The following ATP6V1H variants were observed in gnomAD, a reference collection of about 807,000 sequenced individuals.
ATP6V1H encodes the protein ATPase H+ transporting V1 subunit H.
Under a neutral mutation model 71.7 loss-of-function variants are expected in ATP6V1H, and 39 were observed. That is an observed-to-expected ratio of 0.54 (90% CI 0.42 to 0.71). The LOEUF (loss-of-function observed/expected upper bound fraction) is 0.71. Among genes scored for constraint, ATP6V1H ranks in the 30% least tolerant of loss-of-function variants. ATP6V1H has a pLI of 0.00. For missense variants in ATP6V1H, 509 were observed against 594.9 expected (o/e 0.86, Z 1.50); for synonymous variants, 192 against 199.3 (o/e 0.96, Z 0.31).
intron 13 of ATP6V1H, among the ~76,000 whole-genome samples, chr8:53,735,319 C>T (rs963819448): frequency 2.2e-4 from 33 of 152,136 alleles, no homozygotes; most frequent in Non-Finnish European, 3.1e-4. Flanking sequence ...ACCACCCTTA[C>T]GAATCGCCTC....
chr8:53,801,725 T>C, intron 8 of ATP6V1H, 74 bp downstream of exon 8: 1 of 1,184,432 alleles, frequency 8.4e-7, no homozygotes, highest in Non-Finnish European at 1.2e-6. Context: ...TTTAGATGAT[T>C]ACATATTTCT....
intron 2 of ATP6V1H, among the ~76,000 whole-genome samples, chr8:53,838,811 T>C (rs1176409788): frequency 6.6e-6 from 1 of 152,204 alleles, no homozygotes; most frequent in South Asian, 2.1e-4. Context: ...CAAAAGCATA[T>C]TGGGCTCTCG....
chr8:53,716,132 A>G, intron 13 of ATP6V1H, 108 bp from the exon 14 acceptor site: 1 of 796,936 alleles, frequency 1.3e-6, no homozygotes, highest in Middle Eastern at 2.8e-4. Context: ...TTAACATCCA[A>G]AAATAACTAA....
At chr8:53,820,855 G>T (rs1265523585) in intron 4 of ATP6V1H, among the ~76,000 whole-genome samples, 1 of 151,466 alleles carries the variant, frequency 6.6e-6, no homozygotes, top group East Asian at 1.9e-4. Flanking sequence ...GGTAGCACAC[G>T]CTTGTAATCC....
chr8:53,795,603 T>A, intron 9 of ATP6V1H, 44 bp downstream of exon 9: 1 of 1,574,622 alleles, frequency 6.4e-7, no homozygotes, highest in Non-Finnish European at 8.6e-7. Context: ...TACTGCACAG[T>A]GAAAAATGCC....
chr8:53,739,659 G>A (rs570402186), intron 13 of ATP6V1H: 3 of 152,312 alleles, frequency 2.0e-5, no homozygotes, highest in African/African-American at 7.2e-5. Context: ...GGAGAAAAAC[G>A]ATGACATCTT....
At chr8:53,737,124 C>T (rs1807240510) in intron 13 of ATP6V1H, among the ~76,000 whole-genome samples, 1 of 152,232 alleles carries the variant, frequency 6.6e-6, no homozygotes, top group Non-Finnish European at 1.5e-5. Context: ...TCTCAGGGAG[C>T]TTGGTTTTCG....
At chr8:53,826,513 T>C (rs1414731350) in intron 4 of ATP6V1H, among the ~76,000 whole-genome samples, 1 of 152,092 alleles carries the variant, frequency 6.6e-6, no homozygotes, top group African/African-American at 2.4e-5. Context: ...CACGTAATGA[T>C]TTCTGGCATA....
chr8:53,779,855 A>G (rs956376151), intron 9 of ATP6V1H, among the ~76,000 whole-genome samples: 1 of 152,108 alleles, frequency 6.6e-6, no homozygotes, highest in Admixed American at 6.5e-5. Context: ...AGAGAATTAA[A>G]CTCCATCTTT....
intron 12 of ATP6V1H, among the ~76,000 whole-genome samples, chr8:53,744,269 T>C (rs1419902221): frequency 4.0e-5 from 6 of 149,168 alleles, no homozygotes; most frequent in Admixed American, 3.3e-4. Context: ...AAGGAGAACA[T>C]TCATATCTTC....
At chr8:53,833,328 G>C (rs1175483178) in intron 2 of ATP6V1H, 3 of 442,398 alleles carry the variant, frequency 6.8e-6, no homozygotes, top group Admixed American at 3.9e-5. Context: ...TTGCCTCTAA[G>C]GGGCTGTACT....
intron 2 of ATP6V1H, chr8:53,839,957 G>A (rs1811289463): frequency 1.0e-5 from 10 of 977,000 alleles, no homozygotes; most frequent in Non-Finnish European, 1.2e-5. Context: ...TCAGCTCTCT[G>A]CATTGCCTGC....
intron 12 of ATP6V1H, among the ~76,000 whole-genome samples, chr8:53,747,326 C>A (rs1466435824): frequency 2.0e-5 from 3 of 152,052 alleles, no homozygotes; most frequent in Non-Finnish European, 2.9e-5. Flanking sequence ...TAGCAATATA[C>A]CCTCTAGAGT....
chr8:53,715,915 T>G lies in ATP6V1H; in HGVS notation c.*49A>C. ...TCACTCTTAACTCTAAACACAGTGC[T>G]CCCACTACTGGTTCTGCATTGAGGC... On this transcript the variant is annotated 3_prime_UTR_variant, in exon 14 of 14. Transcript: ENST00000359530. 1 of 1,541,508 alleles carries G rather than the reference T, an allele frequency of 6.5e-7. No homozygotes were observed. Among genetic ancestry groups the G allele is most frequent in the East Asian group, 2.3e-5 (1 of 44,052 alleles).
chr8:53,738,903 A>G (rs1279490140), intron 13 of ATP6V1H, among the ~76,000 whole-genome samples: 1 of 152,234 alleles, frequency 6.6e-6, no homozygotes, highest in Non-Finnish European at 1.5e-5. Context: ...TAACAGCTGT[A>G]AAAAATTCCT....
chr8:53,721,839 A>G (rs958011188), intron 13 of ATP6V1H, among the ~76,000 whole-genome samples: 6 of 152,214 alleles, frequency 3.9e-5, no homozygotes, highest in African/African-American at 1.4e-4. Flanking sequence ...TAGACACTTC[A>G]CCTTCTAACA....
chr8:53,771,918 T>C (rs1808672417), intron 10 of ATP6V1H, 71 bp downstream of exon 10: 1 of 1,404,772 alleles, frequency 7.1e-7, no homozygotes, highest in African/African-American at 1.4e-5. Context: ...ATTCAGGTTT[T>C]CTTAAAATGC....
At chr8:53,810,861 C>T (rs1279445515) in intron 7 of ATP6V1H, among the ~76,000 whole-genome samples, 1 of 152,090 alleles carries the variant, frequency 6.6e-6, no homozygotes, top group Non-Finnish European at 1.5e-5. Flanking sequence ...AAAGAGAAAA[C>T]TTTATGATTA....
Position 53,829,447 on chromosome 8 carries a change from C to T in ATP6V1H, c.303G>A (p.Leu101=). ...GTTAAGTAAAGAATATACCTACCTG[C>T]AGCATATCATCCACCATAGTTAGTA... is the stretch of plus-strand genomic sequence containing the variant. ...QYILTMVDDM[L]QENHQRVSIF... The change falls in exon 4 of 14, where the codon CTG becomes CTA. Residue 101 remains leucine (L), a synonymous_variant. Coordinates refer to ENST00000359530, the MANE Select transcript of ATP6V1H (RefSeq NM_015941.4). 6.3e-7 allele frequency: 1 copy of T among 1,597,988 alleles called. No homozygotes were observed. The highest frequency in any genetic ancestry group is 1.7e-4 in the Middle Eastern group (1 of 6,024).
Sources: allele counts gnomAD v4.1 joint callset (sites outside exome capture counted in the v4.1 genomes callset), GRCh38; gene constraint gnomAD v4.1.1; transcripts MANE v1.5; gene names NCBI Gene and HGNC (gene_info 2026-07-23, HGNC 2026-07-21).